Variants in SNX25 observed in about 807,000 individuals in gnomAD.
The protein encoded by SNX25 is sorting nexin-25.
In SNX25, 62 loss-of-function variants were observed where a neutral mutation model predicts 113.7. That is an observed-to-expected ratio of 0.55 (90% CI 0.44 to 0.67). The LOEUF is 0.67. SNX25 is among the 30% of genes least tolerant of loss of function. The probability of loss-of-function intolerance (pLI) is 0.00; values close to 1 mark genes in which losing one functional copy is unlikely to be tolerated. For synonymous variants in SNX25, 421 were observed against 436.2 expected, an observed-to-expected ratio of 0.97 and a Z score of 0.43; for missense variants, 1,014 against 1,161.0, an observed-to-expected ratio of 0.87 and a Z score of 1.84.
chr4:185,242,699 G>A (rs183488778), intron 1 of SNX25, among the ~76,000 whole-genome samples: 2 of 152,234 alleles, frequency 1.3e-5, no homozygotes. Flanking sequence ...TTCCTCTAGA[G>A]TATAGGGTGG....
intron 1 of SNX25, among the ~76,000 whole-genome samples, chr4:185,227,266 ATCTT>A (rs1311274341): frequency 1.3e-5 from 2 of 152,194 alleles, no homozygotes; most frequent in African/African-American, 2.4e-5. Context: ...CCAGTCATTT[ATCTT>A]TCTTGTTTTG....
At chr4:185,351,941 G>A (rs2095317442) in intron 14 of SNX25, among the ~76,000 whole-genome samples, 1 of 152,042 alleles carries the variant, frequency 6.6e-6, no homozygotes, top group African/African-American at 2.4e-5. Context: ...GTTCACAGTA[G>A]AGGAGGTTGT....
chr4:185,227,649 G>C (rs1327836341), intron 1 of SNX25, among the ~76,000 whole-genome samples: 1 of 152,146 alleles, frequency 6.6e-6, no homozygotes, highest in Non-Finnish European at 1.5e-5. Context: ...TTTCTGGCTT[G>C]GGGGTTAAAT....
the SNX25 span, among the ~76,000 whole-genome samples, chr4:185,376,692 C>T: frequency 6.6e-6 from 1 of 152,144 alleles, no homozygotes; most frequent in African/African-American, 2.4e-5. Context: ...AAACGACTCC[C>T]ATAAATGGCT....
At chr4:185,236,605 A>G (rs1742686929) in intron 1 of SNX25, among the ~76,000 whole-genome samples, 1 of 152,218 alleles carries the variant, frequency 6.6e-6, no homozygotes, top group Non-Finnish European at 1.5e-5. Flanking sequence ...GCTATTCAAA[A>G]CATTGTCTGA....
chr4:185,258,819 T>G, intron 2 of SNX25, 29 bp from the exon 3 acceptor site: 1 of 1,569,432 alleles, frequency 6.4e-7, no homozygotes, highest in Non-Finnish European at 8.8e-7. Context: ...TTCATTTGTT[T>G]TACTCATTGC....
At chr4:185,316,102 T>C (rs1337370611) in intron 7 of SNX25, among the ~76,000 whole-genome samples, 1 of 152,234 alleles carries the variant, frequency 6.6e-6, no homozygotes, top group Non-Finnish European at 1.5e-5. Context: ...TAATTTCTCT[T>C]TGGAGCCCAG....
intron 1 of SNX25, among the ~76,000 whole-genome samples, chr4:185,239,763 ATTTTTTTTTTCTTTTTT>A (rs1331766341): frequency 3.3e-5 from 4 of 122,460 alleles, no homozygotes; most frequent in African/African-American, 1.3e-4. Flanking sequence ...AATAAGGTGT[ATTTTTTTTTTCTTTTTT>A]TTTTTTTTTA....
chr4:185,375,637 A>G, the SNX25 span: 1 of 1,610,272 alleles, frequency 6.2e-7, no homozygotes, highest in Non-Finnish European at 8.5e-7. Flanking sequence ...TCCCCAGCCC[A>G]TCATAGTACA....
At chr4:185,283,599 ATT>A (rs1560967577) in intron 5 of SNX25, among the ~76,000 whole-genome samples, 1 of 152,246 alleles carries the variant, frequency 6.6e-6, no homozygotes, top group Non-Finnish European at 1.5e-5. Flanking sequence ...GAAGATAAGT[ATT>A]AACCTATATT....
At position 185,361,998 on chromosome 4, in the gene SNX25, C is replaced by T; in HGVS notation, c.2726C>T (p.Ala909Val). 6.2e-7 allele frequency: 1 copy of T among 1,614,042 alleles called. No homozygotes were observed. The highest frequency in any genetic ancestry group is 8.5e-7 in the Non-Finnish European group (1 of 1,180,000). Reference protein sequence around the residue: ...LVYYINIFRDAFWPNGKLAPP... With the variant: ...LVYYINIFRDVFWPNGKLAPP... ...TACTACATCAATATTTTCCGGGATGCTTTTTGGCCAAATGGGAAGTTGGCA... is the reference window on the plus strand; with the variant it reads ...TACTACATCAATATTTTCCGGGATGTTTTTTGGCCAAATGGGAAGTTGGCA... Residue 909 changes from alanine to valine, a missense_variant, in exon 17 of 19, where the codon GCT becomes GTT. Transcript: ENST00000652585.
At chr4:185,289,746 AAG>A (rs1165875484) in intron 6 of SNX25, among the ~76,000 whole-genome samples, 3 of 152,174 alleles carry the variant, frequency 2.0e-5, no homozygotes, top group Non-Finnish European at 4.4e-5. Flanking sequence ...AATTGTTTGA[AAG>A]AGAACACTGG....
intron 5 of SNX25, among the ~76,000 whole-genome samples, chr4:185,280,295 G>T (rs983619007): frequency 2.6e-5 from 4 of 152,136 alleles, no homozygotes; most frequent in Non-Finnish European, 5.9e-5. Context: ...GATTTTTGGT[G>T]TATCTATACA....
chr4:185,254,236 A>G (rs1222705508), intron 2 of SNX25, among the ~76,000 whole-genome samples: 1 of 152,190 alleles, frequency 6.6e-6, no homozygotes, highest in Non-Finnish European at 1.5e-5. Context: ...TCAATCACAT[A>G]AACTAATAAC....
At chr4:185,350,299 C>A (rs868596512) in intron 13 of SNX25, among the ~76,000 whole-genome samples, 53 of 152,318 alleles carry the variant, frequency 3.5e-4, no homozygotes, top group Middle Eastern at 6.8e-3. Flanking sequence ...ACTTCCACCT[C>A]CCCCACACTC....
chr4:185,326,665 G>A (rs888646674), intron 9 of SNX25, among the ~76,000 whole-genome samples: 17 of 152,182 alleles, frequency 1.1e-4, no homozygotes, highest in South Asian at 4.1e-4. Context: ...AAAGAGAGCC[G>A]AACACCATTT....
At chr4:185,279,782 G>T (rs1308821938) in intron 5 of SNX25, among the ~76,000 whole-genome samples, 2 of 152,068 alleles carry the variant, frequency 1.3e-5, no homozygotes, top group East Asian at 3.8e-4. Flanking sequence ...GTGGAAATGG[G>T]CATTCTTTTT....
rs192862901 is a variant in SNX25 at position 185,247,023 on chromosome 4, C to T, written c.430-271C>T. On this transcript the variant is annotated intron_variant, in intron 1 of 18. Coordinates refer to ENST00000652585, the MANE Select transcript of SNX25 (RefSeq NM_001378034.2). The stretch of plus-strand genomic sequence containing the variant: ...TTAATTTGCACATATATAGCTACAT[C>T]GGTTTGTTTACTCCCTACCATTGTG... Among the ~76,000 whole-genome samples the T allele has an allele frequency of 1.1e-4, 17 of 152,218 alleles. No homozygotes were observed. The East Asian group carries it at 1.2e-3, about 10-fold the overall frequency.
Position 185,349,375 on chromosome 4 carries a change from G to C in SNX25, c.2302-2070G>C, listed in dbSNP as rs187770749. ...ATTATAAATAGTGCTGCTTTAAATG[G>C]GAATGCAGATATATCTTTGACATAC... is the stretch of plus-strand genomic sequence containing the variant. On this transcript the variant is annotated intron_variant, in intron 13 of 18. Coordinates refer to ENST00000652585, the MANE Select transcript of SNX25 (RefSeq NM_001378034.2). Among the ~76,000 whole-genome samples, 10 of 152,212 alleles carry C rather than the reference G, an allele frequency of 6.6e-5. No individual in the cohort carries two copies. In the East Asian group the frequency reaches 1.7e-3, roughly 26 times the overall value.
Sources: allele counts gnomAD v4.1 joint callset (sites outside exome capture counted in the v4.1 genomes callset), GRCh38; gene constraint gnomAD v4.1.1; transcripts MANE v1.5; gene names NCBI Gene and HGNC (gene_info 2026-07-23, HGNC 2026-07-21).